The following SLC26A8 variants were observed in gnomAD, a reference collection of about 807,000 sequenced individuals.
SLC26A8 encodes the protein solute carrier family 26 member 8, also known as testis anion transporter 1.
In SLC26A8, 70 loss-of-function variants were observed where a neutral mutation model predicts 105.0. That is an observed-to-expected ratio of 0.67 (90% CI 0.55 to 0.81). SLC26A8 has a LOEUF of 0.81. Ranked by LOEUF, SLC26A8 falls within the 40% of genes least tolerant of loss-of-function variation. SLC26A8 has a pLI of 0.00. For synonymous variants in SLC26A8, 415 were observed against 438.3 expected, an observed-to-expected ratio of 0.95 and a Z score of 0.66; for missense variants, 998 against 1,181.8, an observed-to-expected ratio of 0.84 and a Z score of 2.28.
chr6:35,954,928 G>C, intron 17 of SLC26A8: 1 of 474,996 alleles, frequency 2.1e-6, no homozygotes, highest in East Asian at 4.2e-5. Flanking sequence ...CTGGGCAACA[G>C]AGTGAGGCTC....
At chr6:35,993,996 C>A (rs761087493) in intron 5 of SLC26A8, among the ~76,000 whole-genome samples, 2 of 152,154 alleles carry the variant, frequency 1.3e-5, no homozygotes, top group Non-Finnish European at 2.9e-5. Context: ...TCACTCTCCA[C>A]TCCACTAAAA....
At position 35,968,607 on chromosome 6, in the gene SLC26A8, GTGTATATATATATATATATA is replaced by G. The variant is rs1362624219; in HGVS notation, c.1365+250_1365+269del. On this transcript the variant is annotated intron_variant, in intron 11 of 19. Coordinates refer to ENST00000490799, the MANE Select transcript of SLC26A8 (RefSeq NM_052961.4). ...TGTGTGTATGTGTGTGTGTGTGTGT[GTGTATATATATATATATATA>G]TATATATATATATATATATATATAT... is the stretch of plus-strand genomic sequence containing the variant. 7.0e-4 allele frequency among the ~76,000 whole-genome samples: 33 copies of G among 47,036 alleles called. No individual in the cohort carries two copies. In the South Asian group the frequency reaches 8.4e-3, roughly 12 times the overall value. 30.9% of individuals were successfully genotyped at this position (47,036 alleles called of 152,430 possible). A position where few individuals can be genotyped will look rare whatever the true frequency, so the allele number is the denominator to read the frequency against.
At position 35,955,291 on chromosome 6, in the gene SLC26A8, G is replaced by T. The variant is rs2127294407; in HGVS notation, c.2093C>A (p.Pro698His). The T allele has an allele frequency of 6.2e-7, 1 of 1,614,196 alleles. No homozygotes were observed. Among genetic ancestry groups the T allele is most frequent in the African/African-American group, 1.3e-5 (1 of 75,046 alleles). Residue 698 changes from proline (P) to histidine (H), a missense_variant, in exon 17 of 20, where the codon CCT (proline) becomes CAT (histidine). By Grantham distance (77) the Pro-to-His change is moderately conservative (BLOSUM62 -2). Transcript: ENST00000490799. ...NSSRNSSPGL[P>H]DVAESQGRRS... ...CCTCCCCTGGCTTTCCGCCACATCA[G>T]GCAGTCCTGGTGAGCTGTTTCTTGA...
chr6:35,945,203 A>T (rs1771620589), intron 19 of SLC26A8, among the ~76,000 whole-genome samples: 1 of 152,130 alleles, frequency 6.6e-6, no homozygotes, highest in Non-Finnish European at 1.5e-5. Context: ...TGCCAATGAC[A>T]TCATCCATAA....
At chr6:36,003,912 C>T (rs1455837667) in intron 3 of SLC26A8, among the ~76,000 whole-genome samples, 2 of 151,982 alleles carry the variant, frequency 1.3e-5, no homozygotes, top group African/African-American at 2.4e-5. Flanking sequence ...CTGCCTGCCT[C>T]GGCCTCCCAA....
chr6:35,977,098 G>A, intron 9 of SLC26A8, 106 bp downstream of exon 9: 1 of 1,254,252 alleles, frequency 8.0e-7, no homozygotes, highest in Non-Finnish European at 1.1e-6. Flanking sequence ...TCCAAACCAT[G>A]GTCCAAGTGG....
chr6:35,968,609 GTATATATATATATATATA>G (rs55987809), intron 11 of SLC26A8, among the ~76,000 whole-genome samples: 177 of 60,086 alleles, frequency 2.9e-3, no homozygotes, highest in East Asian at 7.9e-3. Flanking sequence ...GTGTGTGTGT[GTATATATATATATATATA>G]TATATATATA....
intron 7 of SLC26A8, among the ~76,000 whole-genome samples, chr6:35,990,737 G>A (rs1581671923): frequency 1.3e-5 from 2 of 152,206 alleles, no homozygotes; most frequent in African/African-American, 4.8e-5. Context: ...CCTGTCATAT[G>A]TTTGTCTGAG....
intron 2 of SLC26A8, among the ~76,000 whole-genome samples, chr6:36,016,595 A>G (rs184985749): frequency 4.6e-5 from 7 of 152,332 alleles, no homozygotes; most frequent in South Asian, 2.1e-4. Flanking sequence ...AAATAACACA[A>G]TTTTGGTATT....
intron 10 of SLC26A8, among the ~76,000 whole-genome samples, chr6:35,973,514 C>T (rs1318424869): frequency 2.6e-5 from 4 of 152,010 alleles, no homozygotes; most frequent in Non-Finnish European, 4.4e-5. Flanking sequence ...AACAAAAATT[C>T]GTAAACTTTC....
chr6:36,011,181 C>T (rs1437250654), intron 3 of SLC26A8, among the ~76,000 whole-genome samples: 1 of 152,204 alleles, frequency 6.6e-6, no homozygotes, highest in Non-Finnish European at 1.5e-5. Flanking sequence ...TGAATTTGAT[C>T]TGGGGTTAAC....
chr6:35,985,692 C>CAAA (rs58199602), intron 7 of SLC26A8, among the ~76,000 whole-genome samples: 24 of 46,936 alleles, frequency 5.1e-4, no homozygotes, highest in Non-Finnish European at 6.7e-4. Context: ...GACTCCGTCT[C>CAAA]AAAAAAAAAA....
rs560951217 is a variant in SLC26A8 at position 35,965,380 on chromosome 6, C to G, written c.1366-2759G>C. On this transcript the variant is annotated intron_variant, in intron 11 of 19. Transcript: ENST00000490799. Reference sequence around the variant, plus strand: ...TAGAATTTAACCTACTTTTAAGAAGCATTTTTGCTCACACCTGGCTGGGCG... The same window carrying G: ...TAGAATTTAACCTACTTTTAAGAAGGATTTTTGCTCACACCTGGCTGGGCG... Among the ~76,000 whole-genome samples the G allele has an allele frequency of 2.0e-5, 3 of 152,174 alleles. No homozygotes were observed. The South Asian group carries it at 6.2e-4, about 32-fold the overall frequency.
intron 2 of SLC26A8, among the ~76,000 whole-genome samples, chr6:36,013,307 C>T (rs369634891): frequency 1.3e-5 from 2 of 152,006 alleles, no homozygotes; most frequent in East Asian, 1.9e-4. Flanking sequence ...AGCAATTCTC[C>T]TGCCTCAGCC....
At chr6:35,968,615 A>G (rs1189228954) in intron 11 of SLC26A8, among the ~76,000 whole-genome samples, 8,765 of 60,802 alleles carry the variant, frequency 0.14, 325 homozygotes, top group Non-Finnish European at 0.16. Flanking sequence ...GTGTGTATAT[A>G]TATATATATA....
intron 3 of SLC26A8, among the ~76,000 whole-genome samples, chr6:36,004,468 T>A (rs556712632): frequency 3.9e-5 from 6 of 152,192 alleles, no homozygotes; most frequent in African/African-American, 1.2e-4. Context: ...CTTTTTAAAA[T>A]TTTTTTTGCT....
intron 3 of SLC26A8, among the ~76,000 whole-genome samples, chr6:36,004,387 T>C (rs1326218208): frequency 6.6e-6 from 1 of 152,210 alleles, no homozygotes. Flanking sequence ...TAACTGATTG[T>C]TATATGCTGA....
intron 7 of SLC26A8, among the ~76,000 whole-genome samples, chr6:35,982,797 A>ATC (rs1773330308): frequency 1.3e-5 from 2 of 152,226 alleles, no homozygotes; most frequent in Non-Finnish European, 2.9e-5. Context: ...ACCAAAAGAG[A>ATC]AACATGATTA....
chr6:35,968,898 G>C lies in SLC26A8; in HGVS notation c.1344C>G (p.His448Gln). 1 of 1,605,986 alleles carries C rather than the reference G, an allele frequency of 6.2e-7. No homozygotes were observed. Among genetic ancestry groups the C allele is most frequent in the Middle Eastern group, 1.7e-4 (1 of 6,008 alleles). The stretch of plus-strand genomic sequence containing the variant: ...TTACATTTGGCAGTGTGTAGAAAAA[G>C]TGTCCCATCTTCACCATCAGGAGCA... ...VMLLLMVKMG[H>Q]FFYTLPNAVL... Residue 448 changes from histidine to glutamine, a missense_variant, in exon 11 of 20, where the codon CAC (histidine) becomes CAG (glutamine). Transcript: ENST00000490799.
Sources: allele counts gnomAD v4.1 joint callset (sites outside exome capture counted in the v4.1 genomes callset), GRCh38; gene constraint gnomAD v4.1.1; transcripts MANE v1.5; gene names NCBI Gene and HGNC (gene_info 2026-07-23, HGNC 2026-07-21).